The following TTN variants were observed in gnomAD, a reference collection of about 807,000 sequenced individuals.
TTN encodes titin, also known as connectin.
A neutral mutation model predicts 3,223.0 loss-of-function variants in TTN; 1,525 were observed. That is an observed-to-expected ratio of 0.47 (90% CI 0.45 to 0.49). The LOEUF (loss-of-function observed/expected upper bound fraction) is 0.49. Ranked by LOEUF, TTN falls within the 20% of genes least tolerant of loss-of-function variation. The pLI is 0.00. For synonymous variants in TTN, 14,094 were observed against 15,161.0 expected, an observed-to-expected ratio of 0.93 and a Z score of 5.17; for missense variants, 40,786 against 43,424.0, an observed-to-expected ratio of 0.94 and a Z score of 5.40.
chr2:178,544,298 C>T lies in TTN; in HGVS notation c.95931G>A (p.Met31977Ile), dbSNP rs1575423808. 1 of 1,613,776 alleles carries T rather than the reference C, an allele frequency of 6.2e-7. No homozygotes were observed. The change falls in exon 345 of 363, where the codon ATG (methionine) becomes ATA (isoleucine). Residue 31977 changes from methionine to isoleucine, a missense_variant. Met to Ile is a conservative substitution (Grantham distance 10). Coordinates refer to ENST00000589042, the MANE Select transcript of TTN (RefSeq NM_001267550.2). ...NTEFTVPDLK[M>I]GQKYSFRVAA... is the part of the protein sequence containing the mutation. ...CAACTCTGAAGGAATATTTCTGGCC[C>T]ATTTTAAGGTCTGGCACAGTGAATT...
chr2:178,595,594 A>T lies in TTN; in HGVS notation c.57760T>A (p.Tyr19254Asn). 1 of 1,586,332 alleles carries T rather than the reference A, an allele frequency of 6.3e-7. No homozygotes were observed. Among genetic ancestry groups the T allele is most frequent in the Non-Finnish European group, 8.6e-7 (1 of 1,164,760 alleles). Residue 19254 changes from tyrosine to asparagine, a missense_variant, in exon 295 of 363, where the codon TAC becomes AAC. Tyr to Asn is a moderately radical substitution (Grantham distance 143). Coordinates refer to ENST00000589042, the MANE Select transcript of TTN (RefSeq NM_001267550.2). Reference sequence around the variant, plus strand: ...TTTTCAGCCGCAATTCGGAAAAAGTAGGCTTTTCCTTGAATGAGACCCTGG... The same window carrying T: ...TTTTCAGCCGCAATTCGGAAAAAGTTGGCTTTTCCTTGAATGAGACCCTGG... ...TVQGLIQGKA[Y>N]FFRIAAENSI...
rs747673084 is a variant in TTN, at chr2:178,739,683, T to C, written c.13550A>G (p.Glu4517Gly). The C allele has an allele frequency of 1.2e-6, 2 of 1,613,940 alleles. No individual in the cohort carries two copies. The highest frequency in any genetic ancestry group is 1.7e-6 in the Non-Finnish European group (2 of 1,179,836). Residue 4517 changes from glutamate (E) to glycine (G), a missense_variant, in exon 48 of 363, where the codon GAA becomes GGA. Transcript: ENST00000589042. ...TTCAACTTCTGGTTCAGTAATGGGT[T>C]CAACCTTCTGTGAACCTGAAAAAGA... ...MDSFSGSQKVEPITEPEVESK... is the reference protein window; with the variant it reads ...MDSFSGSQKVGPITEPEVESK...
intron 6 of TTN, 158 bp downstream of exon 6, chr2:178,799,329 C>T: frequency 1.8e-6 from 2 of 1,140,118 alleles, no homozygotes; most frequent in East Asian, 5.1e-5. Context: ...CACAACCTGC[C>T]CGTTTGTATG....
In TTN at chr2:178,582,921, A is replaced by G. The variant is rs1449469581; in HGVS notation, c.65863+19T>C. On this transcript the variant is annotated intron_variant, in intron 313 of 362. Coordinates refer to ENST00000589042, the MANE Select transcript of TTN (RefSeq NM_001267550.2). ...TATCCAAAGTAAAATATGGGATTCC[A>G]ATGAAGTTTATTAGTTACCTAACAC... 1.4e-6 allele frequency: 2 copies of G among 1,472,712 alleles called. No homozygotes were observed. The highest frequency in any genetic ancestry group is 4.7e-5 in the East Asian group (2 of 42,710). 91.2% of individuals were successfully genotyped at this position (1,472,712 alleles called of 1,614,324 possible).
intron 43 of TTN, among the ~76,000 whole-genome samples, chr2:178,763,699 C>T (rs555177160): frequency 1.3e-5 from 2 of 152,166 alleles, no homozygotes; most frequent in Non-Finnish European, 2.9e-5. Flanking sequence ...GACAATGAAG[C>T]CCCGACTTTT....
In TTN at chr2:178,575,740, G is replaced by C; in HGVS notation, c.70392C>G (p.Gly23464=). 6.2e-7 allele frequency: 1 copy of C among 1,613,514 alleles called. No individual in the cohort carries two copies. The highest frequency in any genetic ancestry group is 2.2e-5 in the East Asian group (1 of 44,790). Reference sequence around the variant, plus strand: ...CTACAATGTAGTTTGTTATACGTGAGCCTCCATCTATCAGAGGGAGGTCCC... The same window carrying C: ...CTACAATGTAGTTTGTTATACGTGACCCTCCATCTATCAGAGGGAGGTCCC... ...LHWDLPLIDG[G]SRITNYIVEK... is the part of the protein sequence containing the mutation. The change falls in exon 326 of 363, where the codon GGC becomes GGG. Residue 23464 remains glycine (G), a synonymous_variant. Transcript: ENST00000589042. This position sits in a 1 kb window ranked among gnomAD's most constrained non-coding sequence, Gnocchi z 4.0.
Position 178,646,357 on chromosome 2 carries a change from A to AC in TTN, c.40297+127_40297+128insG, listed in dbSNP as rs1313084724. The AC allele has an allele frequency of 5.2e-6, 3 of 573,182 alleles. No homozygotes were observed. The African/African-American group carries it at 5.7e-5, about 11-fold the overall frequency. The allele number at this position is 573,182 out of a possible 1,614,324, so 35.5% of individuals were successfully genotyped here. Reference sequence around the variant, plus strand: ...ATGGAAACCTAAGAATGAGGCTCACATTTACAACAAAGAATACTTTACATA... The same window carrying AC: ...ATGGAAACCTAAGAATGAGGCTCACACTTTACAACAAAGAATACTTTACATA... On this transcript the variant is annotated intron_variant, in intron 216 of 362. Transcript: ENST00000589042.
Position 178,591,347 on chromosome 2 carries a change from T to G in TTN, c.60378A>C (p.Thr20126=). The G allele has an allele frequency of 6.2e-7, 1 of 1,613,404 alleles. No homozygotes were observed. Among genetic ancestry groups the G allele is most frequent in the South Asian group, 1.1e-5 (1 of 91,048 alleles). ...CTGATGAGAAGTTGTCTGTTTCAAC[T>G]GTGTAGTGCTCATCGGTTTTAATCT... is the stretch of plus-strand genomic sequence containing the variant. ...GSEIKTDEHY[T]VETDNFSSVL... The change falls in exon 304 of 363, where the codon ACA becomes ACC. Residue 20126 remains threonine (T), a synonymous_variant. Transcript: ENST00000589042.
chr2:178,683,309 T>C lies in TTN; in HGVS notation c.32807-18A>G. On this transcript the variant is annotated intron_variant, in intron 133 of 362. Transcript: ENST00000589042. ...TTCAGTCACTTTAAAGGAGTAATTA[T>C]TAAAAGTGAATTGCAAGATTCTGAA... 1.4e-6 allele frequency: 2 copies of C among 1,427,962 alleles called. No homozygotes were observed. Among genetic ancestry groups the C allele is most frequent in the Non-Finnish European group, 1.9e-6 (2 of 1,055,058 alleles). The allele number at this position is 1,427,962 out of a possible 1,614,324, so 88.5% of individuals were successfully genotyped here. A position where few individuals can be genotyped will look rare whatever the true frequency, so the allele number is the denominator to read the frequency against.
chr2:178,705,457 A>G (rs902688375), intron 102 of TTN, 100 bp from the exon 103 acceptor site: 21 of 917,802 alleles, frequency 2.3e-5, no homozygotes, highest in Non-Finnish European at 3.2e-5. Flanking sequence ...AAGGTTTTCT[A>G]TGTTCTTTAT....
At position 178,591,403 on chromosome 2, in the gene TTN, G is replaced by A; in HGVS notation, c.60322C>T (p.Pro20108Ser). Residue 20108 changes from proline to serine, a missense_variant, in exon 304 of 363, where the codon CCT becomes TCT. By Grantham distance (74) the Pro-to-Ser change is moderately conservative (BLOSUM62 -1). Coordinates refer to ENST00000589042, the MANE Select transcript of TTN (RefSeq NM_001267550.2). ...FPAIIRGVPVPTAKWTTDGSE... is the reference protein window; with the variant it reads ...FPAIIRGVPVSTAKWTTDGSE... ...CCATCGGTTGTCCACTTTGCAGTAG[G>A]AACAGGCACACCTCTTATAATAGCA... 1.2e-6 allele frequency: 2 copies of A among 1,612,312 alleles called. No individual in the cohort carries two copies. The highest frequency in any genetic ancestry group is 8.5e-7 in the Non-Finnish European group (1 of 1,179,090).
At position 178,746,057 on chromosome 2, in the gene TTN, CT is replaced by C. The variant is rs1333017889; in HGVS notation, c.11312-4137del. The C allele has an allele frequency of 1.9e-6, 3 of 1,613,360 alleles. No individual in the cohort carries two copies. The African/African-American group carries it at 4.0e-5, about 22-fold the overall frequency. On this transcript the variant is annotated intron_variant, in intron 47 of 362. Coordinates refer to ENST00000589042, the MANE Select transcript of TTN (RefSeq NM_001267550.2). ...CACAGCTCTGCACCTGTATGTTGCA[CT>C]ATCAGAAAGACAGACATTTCGAATT...
chr2:178,681,263 G>A (rs1411543879), intron 137 of TTN, 92 bp from the exon 138 acceptor site: 2 of 1,444,574 alleles, frequency 1.4e-6, no homozygotes, highest in Non-Finnish European at 1.9e-6. Context: ...GTAAGAATCA[G>A]GACAAGAACA....
chr2:178,567,211 T>C lies in TTN; in HGVS notation c.78921A>G (p.Thr26307=), dbSNP rs761130018. 11 of 1,610,544 alleles carry C rather than the reference T, an allele frequency of 6.8e-6. No individual in the cohort carries two copies. The highest frequency in any genetic ancestry group is 3.3e-5 in the South Asian group (3 of 90,756). The change falls in exon 326 of 363, where the codon ACA becomes ACG. Residue 26307 remains threonine (T), a synonymous_variant. Coordinates refer to ENST00000589042, the MANE Select transcript of TTN (RefSeq NM_001267550.2). The part of the protein sequence containing the change: ...TGVTSEKCSL[T]WSPPLQDGGS... Reference sequence around the variant, plus strand: ...CACCATCTTGAAGTGGTGGAGACCATGTTAAAGAGCATTTTTCAGAAGTGA... The same window carrying C: ...CACCATCTTGAAGTGGTGGAGACCACGTTAAAGAGCATTTTTCAGAAGTGA...
At chr2:178,778,774 T>C (rs2092486327) in intron 24 of TTN, 100 bp downstream of exon 24, 1 of 1,537,926 alleles carries the variant, frequency 6.5e-7, no homozygotes, top group Non-Finnish European at 8.9e-7. Flanking sequence ...CTGTGCCATT[T>C]TAGCCCTCGA....
In TTN at chr2:178,557,859, G is replaced by A. The variant is rs371763584; in HGVS notation, c.87495C>T (p.Asp29165=). The A allele has an allele frequency of 5.2e-5, 84 of 1,613,808 alleles. No homozygotes were observed. The highest frequency in any genetic ancestry group is 2.2e-4 in the East Asian group (10 of 44,882). ...TGTAGTTGGTAACTTGACTTCCACCGTCATACTTAGGTGGCTCCCATTTGA... is the reference window on the plus strand; with the variant it reads ...TGTAGTTGGTAACTTGACTTCCACCATCATACTTAGGTGGCTCCCATTTGA... The part of the protein sequence containing the change: ...VTLKWEPPKY[D]GGSQVTNYIL... The change falls in exon 328 of 363, where the codon GAC becomes GAT. Residue 29165 remains aspartate, a synonymous_variant. Transcript: ENST00000589042.
At position 178,557,787 on chromosome 2, in the gene TTN, A is replaced by G. The variant is rs746343243; in HGVS notation, c.87567T>C (p.Ser29189=). The change falls in exon 328 of 363, where the codon TCT becomes TCC. Residue 29189 remains serine, a synonymous_variant. Transcript: ENST00000589042. ...TCATCATGGTTCTTGCAACTGTTGC[A>G]GACACTTCAGTCCACACTGCAGTAC... ...ETSTAVWTEV[S]ATVARTMMKV... is the part of the protein sequence containing the mutation. The G allele has an allele frequency of 1.2e-6, 2 of 1,613,972 alleles. No individual in the cohort carries two copies. Among genetic ancestry groups the G allele is most frequent in the African/African-American group, 1.3e-5 (1 of 75,058 alleles).
rs773246141 is a variant in TTN at position 178,649,882 on chromosome 2, G to A, written c.39830C>T (p.Pro13277Leu). The change falls in exon 211 of 363, where the codon CCC (proline) becomes CTC (leucine). Residue 13277 changes from proline (P) to leucine (L), a missense_variant. Pro to Leu is a moderately conservative substitution (Grantham distance 98, BLOSUM62 -3). Coordinates refer to ENST00000589042, the MANE Select transcript of TTN (RefSeq NM_001267550.2). ...TTTCTTCTCTGGGATGATCTTCTTG[G>A]GCTCTTCAGGCACTTGAATAATAGG... ...EVPPPAVPEE[P>L]KKIIPEKKVP... 6 of 1,608,216 alleles carry A rather than the reference G, an allele frequency of 3.7e-6. No homozygotes were observed. The African/African-American group carries it at 6.7e-5, about 18-fold the overall frequency.
In TTN at chr2:178,599,297, C is replaced by T; in HGVS notation, c.56496G>A (p.Trp18832Ter). 6.2e-7 allele frequency: 1 copy of T among 1,607,826 alleles called. No individual in the cohort carries two copies. The highest frequency in any genetic ancestry group is 8.5e-7 in the Non-Finnish European group (1 of 1,177,606). ...IEKREANRKT[W>*]VHVSSEPKEC... ...CCTTAGGTTCACTGGAGACATGGAC[C>T]CATGTCTTCCTGTTAGCTTCTCTTT... Residue 18832 changes from tryptophan (W) to a stop codon, truncating the protein, a stop_gained, in exon 290 of 363, where the codon TGG (tryptophan) becomes TGA (stop). Coordinates refer to ENST00000589042, the MANE Select transcript of TTN (RefSeq NM_001267550.2). LOFTEE classifies it high-confidence loss of function.
Sources: gnomAD v4.1 joint callset for allele counts (sites outside exome capture counted in the v4.1 genomes callset) on GRCh38, gnomAD v4.1.1 for gene constraint, Gnocchi (gnomAD v3.1) non-coding constraint, MANE v1.5 for transcripts, NCBI Gene and HGNC (gene_info 2026-07-23, HGNC 2026-07-21) for gene names.